The following GNE variants were observed in gnomAD, a reference collection of about 807,000 sequenced individuals.
GNE encodes the protein glucosamine (UDP-N-acetyl)-2-epimerase/N-acetylmannosamine kinase, also known as bifunctional UDP-N-acetylglucosamine 2-epimerase/N-acetylmannosamine kinase.
In GNE, 41 loss-of-function variants were observed where a neutral mutation model predicts 61.8. The ratio of observed to expected loss-of-function variants is 0.66; its 90% CI spans 0.52 to 0.86. GNE has a LOEUF of 0.86. Among genes scored for constraint, GNE ranks in the 40% least tolerant of loss-of-function variants. GNE has a pLI of 0.00. For synonymous variants in GNE, 264 were observed against 326.4 expected, an observed-to-expected ratio of 0.81 and a Z score of 2.06; for missense variants, 608 against 909.1, an observed-to-expected ratio of 0.67 and a Z score of 4.26.
chr9:36,227,545 A>G, intron 6 of GNE, 87 bp from the exon 7 acceptor site: 1 of 852,006 alleles, frequency 1.2e-6, no homozygotes, highest in Non-Finnish European at 2.0e-6. Flanking sequence ...GGAAACTGAG[A>G]CTTCAGGTAA....
In GNE at chr9:36,227,410, A is replaced by G. The variant is rs765027793; in HGVS notation, c.1119T>C (p.Phe373=). 1 of 1,613,168 alleles carries G rather than the reference A, an allele frequency of 6.2e-7. No homozygotes were observed. The highest frequency in any genetic ancestry group is 8.5e-7 in the Non-Finnish European group (1 of 1,179,104). Residue 373 remains phenylalanine (F), a synonymous_variant, in exon 7 of 12, where the codon TTT becomes TTC. Transcript: ENST00000642385. ...GCTCTTGAAGATCGATAGATTTGAG[A>G]AACTTCAAAATCCTTGGAACAGCAT... is the stretch of plus-strand genomic sequence containing the variant. ...DGNAVPRILK[F]LKSIDLQEPL...
At chr9:36,255,836 G>A (rs1268406626) in intron 1 of GNE, among the ~76,000 whole-genome samples, 1 of 152,168 alleles carries the variant, frequency 6.6e-6, no homozygotes, top group Admixed American at 6.6e-5. Flanking sequence ...CAGATGGATG[G>A]ATGATAGATG....
chr9:36,229,463 C>T (rs1030016913), intron 5 of GNE, among the ~76,000 whole-genome samples: 1 of 152,188 alleles, frequency 6.6e-6, no homozygotes, highest in Non-Finnish European at 1.5e-5. Context: ...ATCTACTCAG[C>T]CAGTGGTTCA....
At chr9:36,271,656 G>A (rs904835339) in intron 1 of GNE, among the ~76,000 whole-genome samples, 1 of 152,140 alleles carries the variant, frequency 6.6e-6, no homozygotes, top group African/African-American at 2.4e-5. Context: ...TTACAGGCGT[G>A]AGCCACCATG....
Position 36,217,525 on chromosome 9 carries a change from A to C in GNE, c.2009T>G (p.Val670Gly), listed in dbSNP as rs1266184906. Residue 670 changes from valine to glycine, a missense_variant, in exon 12 of 12, where the codon GTC becomes GGC. By Grantham distance (109) the Val-to-Gly change is moderately radical. Coordinates refer to ENST00000642385, the MANE Select transcript of GNE (RefSeq NM_005476.7). The part of the protein sequence containing the change: ...MNPSLVILSG[V>G]LASHYIHIVK... ...AATGTGGATATAGTGACTGGCCAGG[A>C]CTCCGGAGAGGATCACAAGGGAGGG... The C allele has an allele frequency of 6.2e-7, 1 of 1,613,864 alleles. No homozygotes were observed. The highest frequency in any genetic ancestry group is 8.5e-7 in the Non-Finnish European group (1 of 1,179,922).
chr9:36,270,520 T>C (rs965368934), intron 1 of GNE, among the ~76,000 whole-genome samples: 40 of 147,394 alleles, frequency 2.7e-4, no homozygotes, highest in South Asian at 6.4e-4. Context: ...TTCTTTCTTT[T>C]TTTTTTTTTT....
intron 1 of GNE, among the ~76,000 whole-genome samples, chr9:36,269,815 C>T (rs1830954644): frequency 6.6e-6 from 1 of 152,146 alleles, no homozygotes; most frequent in South Asian, 2.1e-4. Flanking sequence ...GCGCCCACCA[C>T]CACACCCAGC....
chr9:36,255,931 G>A (rs548411433), intron 1 of GNE, among the ~76,000 whole-genome samples: 11 of 152,160 alleles, frequency 7.2e-5, no homozygotes, highest in African/African-American at 2.6e-4. Context: ...ATTCTTGTTT[G>A]TTTTTGTTTT....
chr9:36,270,932 A>G (rs1206315379), intron 1 of GNE, among the ~76,000 whole-genome samples: 3 of 152,118 alleles, frequency 2.0e-5, no homozygotes, highest in Non-Finnish European at 2.9e-5. Context: ...GGATTACTCT[A>G]TTTCTTCTTG....
intron 1 of GNE, among the ~76,000 whole-genome samples, chr9:36,251,817 C>A (rs1830115276): frequency 6.6e-6 from 1 of 152,084 alleles, no homozygotes; most frequent in Non-Finnish European, 1.5e-5. Flanking sequence ...CCTCAACACT[C>A]TCTTAGGCTA....
upstream of GNE, chr9:36,258,624 C>G (rs1293891944): frequency 1.7e-6 from 1 of 581,830 alleles, no homozygotes; most frequent in Non-Finnish European, 2.2e-6. Context: ...TGCTGACCAG[C>G]GGACCATCTT....
At chr9:36,271,741 G>A (rs1446773714) in intron 1 of GNE, among the ~76,000 whole-genome samples, 1 of 152,122 alleles carries the variant, frequency 6.6e-6, no homozygotes, top group African/African-American at 2.4e-5. Context: ...GTTTGTGACT[G>A]TAATATTAGA....
chr9:36,218,470 A>G lies in GNE; in HGVS notation c.1817-171T>C, dbSNP rs1022597667. 6.6e-6 allele frequency among the ~76,000 whole-genome samples: 1 copy of G among 152,130 alleles called. No homozygotes were observed. Among genetic ancestry groups the G allele is most frequent in the Non-Finnish European group, 1.5e-5 (1 of 68,020 alleles). ...ATACACTGCCCCTAAAGCCTTTGCTACCCTCTTGCTAATTGGTTGTACATA... is the reference window on the plus strand; with the variant it reads ...ATACACTGCCCCTAAAGCCTTTGCTGCCCTCTTGCTAATTGGTTGTACATA... On this transcript the variant is annotated intron_variant, in intron 10 of 11. Transcript: ENST00000642385. The surrounding 1 kb of genome is among the most constrained non-coding windows in gnomAD (Gnocchi z 4.1).
At chr9:36,260,631 A>C (rs1587370986), upstream of GNE, among the ~76,000 whole-genome samples, 1 of 152,082 alleles carries the variant, frequency 6.6e-6, no homozygotes, top group African/African-American at 2.4e-5. Context: ...GCACTTTGGG[A>C]GGCCGAGGCG....
At chr9:36,273,887 G>A (rs1437780916) in intron 1 of GNE, among the ~76,000 whole-genome samples, 3 of 151,352 alleles carry the variant, frequency 2.0e-5, no homozygotes, top group Non-Finnish European at 4.4e-5. Context: ...CACCCGCCTC[G>A]GCCCCCCAAA....
intron 5 of GNE, among the ~76,000 whole-genome samples, chr9:36,232,587 GT>G (rs1829221849): frequency 6.6e-6 from 1 of 152,144 alleles, no homozygotes; most frequent in Non-Finnish European, 1.5e-5. Flanking sequence ...CACACTGGCT[GT>G]TGCCACTGCC....
At position 36,230,145 on chromosome 9, in the gene GNE, T is replaced by C. The variant is rs542698800; in HGVS notation, c.983-1037A>G. ...TATTTTTAGAGATGGCGTTTCACCA[T>C]GTTAGCCAGGCTGGCTTGAACTCCT... On this transcript the variant is annotated intron_variant, in intron 5 of 11. Coordinates refer to ENST00000642385, the MANE Select transcript of GNE (RefSeq NM_005476.7). Among the ~76,000 whole-genome samples, 4 of 152,282 alleles carry C rather than the reference T, an allele frequency of 2.6e-5. No individual in the cohort carries two copies. The South Asian group carries it at 6.2e-4, about 24-fold the overall frequency.
chr9:36,221,779 A>C (rs770874059), intron 9 of GNE, among the ~76,000 whole-genome samples: 80 of 151,992 alleles, frequency 5.3e-4, no homozygotes, highest in Middle Eastern at 3.5e-3. Flanking sequence ...CCAGCAGTTT[A>C]AGACCAGCCT....
In GNE at chr9:36,227,323, A is replaced by G; in HGVS notation, c.1206T>C (p.His402=). ...VKENISQDID[H]ILETLSALAV... is the part of the protein sequence containing the mutation. ...CCAAGGCACTTAGAGTTTCAAGAATATGGTCAATATCTTGAGAGATATTCT... is the reference window on the plus strand; with the variant it reads ...CCAAGGCACTTAGAGTTTCAAGAATGTGGTCAATATCTTGAGAGATATTCT... Residue 402 remains histidine, a synonymous_variant, in exon 7 of 12, where the codon CAT becomes CAC. Coordinates refer to ENST00000642385, the MANE Select transcript of GNE (RefSeq NM_005476.7). 6.2e-7 allele frequency: 1 copy of G among 1,612,438 alleles called. No individual in the cohort carries two copies. Among genetic ancestry groups the G allele is most frequent in the South Asian group, 1.1e-5 (1 of 91,026 alleles).
Sources: gnomAD v4.1 joint callset for allele counts (sites outside exome capture counted in the v4.1 genomes callset) on GRCh38, gnomAD v4.1.1 for gene constraint, Gnocchi (gnomAD v3.1) non-coding constraint, MANE v1.5 for transcripts, NCBI Gene and HGNC (gene_info 2026-07-23, HGNC 2026-07-21) for gene names.